ARL15: variants seen among roughly 807,000 people sequenced by gnomAD.
The protein encoded by ARL15 is ARF like GTPase 15, also known as ADP-ribosylation factor-like protein 15.
In ARL15, 19 loss-of-function variants were observed where a neutral mutation model predicts 25.2. That is an observed-to-expected ratio of 0.75 (90% CI 0.53 to 1.10). The LOEUF is 1.10. ARL15 is among the 50% of genes least tolerant of loss of function. ARL15 has a pLI of 0.00. For missense variants in ARL15, 220 were observed against 246.0 expected, an observed-to-expected ratio of 0.89 and a Z score of 0.71; for synonymous variants, 94 against 86.8, an observed-to-expected ratio of 1.08 and a Z score of -0.46.
chr5:54,210,563 T>C (rs567664782), intron 1 of ARL15, among the ~76,000 whole-genome samples: 8 of 152,302 alleles, frequency 5.3e-5, no homozygotes, highest in African/African-American at 1.7e-4. Flanking sequence ...TCCCCCAGAA[T>C]AGTCCTCTGA....
In ARL15 at chr5:53,905,591, C is replaced by T. The variant is rs532210169; in HGVS notation, c.463-18878G>A. Reference sequence around the variant, plus strand: ...CCCATGCCCTGATTACAATCTTCCACACTACATTTCTTTAGAGAGCAGGTA... The same window carrying T: ...CCCATGCCCTGATTACAATCTTCCATACTACATTTCTTTAGAGAGCAGGTA... On this transcript the variant is annotated intron_variant, in intron 4 of 4. Coordinates refer to ENST00000504924, the MANE Select transcript of ARL15 (RefSeq NM_019087.3). Among the ~76,000 whole-genome samples the T allele has an allele frequency of 2.6e-5, 4 of 152,260 alleles. No individual in the cohort carries two copies. In the East Asian group the frequency reaches 7.7e-4, roughly 29 times the overall value.
At chr5:54,214,282 A>G (rs928253572) in intron 1 of ARL15, among the ~76,000 whole-genome samples, 1 of 152,204 alleles carries the variant, frequency 6.6e-6, no homozygotes, top group African/African-American at 2.4e-5. Context: ...ATATCTTTCC[A>G]GTAAAAATTC....
chr5:53,982,005 A>AG (rs1374020762), intron 4 of ARL15, among the ~76,000 whole-genome samples: 2 of 152,132 alleles, frequency 1.3e-5, no homozygotes, highest in Non-Finnish European at 1.5e-5. Flanking sequence ...GCTTATGAGT[A>AG]GGGCAGGTTT....
chr5:53,987,932 C>T (rs1748349280), intron 4 of ARL15, among the ~76,000 whole-genome samples: 1 of 152,112 alleles, frequency 6.6e-6, no homozygotes, highest in Non-Finnish European at 1.5e-5. Context: ...GAAACCCCGT[C>T]TCTACTAAAA....
chr5:53,979,491 G>A (rs969503544), intron 4 of ARL15, among the ~76,000 whole-genome samples: 22 of 152,058 alleles, frequency 1.4e-4, no homozygotes, highest in African/African-American at 3.9e-4. Flanking sequence ...AGTGTGCCAC[G>A]ATCATACCAT....
intron 1 of ARL15, among the ~76,000 whole-genome samples, chr5:54,209,247 C>T (rs75920750): frequency 6.6e-5 from 10 of 151,396 alleles, no homozygotes; most frequent in African/African-American, 2.2e-4. Flanking sequence ...AAGCAGAAGC[C>T]AATAGACAAT....
At chr5:54,096,399 G>A (rs867220420) in intron 4 of ARL15, among the ~76,000 whole-genome samples, 27 of 152,124 alleles carry the variant, frequency 1.8e-4, no homozygotes, top group African/African-American at 6.5e-4. Flanking sequence ...AATGAGCAAT[G>A]ACATTTCATT....
intron 1 of ARL15, among the ~76,000 whole-genome samples, chr5:54,302,179 A>T (rs1159718025): frequency 6.6e-6 from 1 of 152,012 alleles, no homozygotes; most frequent in East Asian, 1.9e-4. Context: ...CAATCAAGTG[A>T]CCCCTCAATT....
chr5:54,052,861 A>G (rs1245450820), intron 4 of ARL15, among the ~76,000 whole-genome samples: 1 of 152,104 alleles, frequency 6.6e-6, no homozygotes, highest in Non-Finnish European at 1.5e-5. Flanking sequence ...CCATTTTCCA[A>G]TGACCAGGGC....
At chr5:54,201,012 T>C (rs905256784) in intron 1 of ARL15, among the ~76,000 whole-genome samples, 1 of 152,068 alleles carries the variant, frequency 6.6e-6, no homozygotes, top group Non-Finnish European at 1.5e-5. Context: ...CTACGCCCTT[T>C]GTCTCCAATT....
At chr5:54,041,529 G>A (rs1353012554) in intron 4 of ARL15, among the ~76,000 whole-genome samples, 1 of 152,188 alleles carries the variant, frequency 6.6e-6, no homozygotes, top group Non-Finnish European at 1.5e-5. Flanking sequence ...ACTTGCTCAA[G>A]GCTCCAGGGT....
intron 1 of ARL15, among the ~76,000 whole-genome samples, chr5:54,232,011 A>G (rs1172236110): frequency 1.3e-5 from 2 of 152,112 alleles, no homozygotes; most frequent in African/African-American, 4.8e-5. Flanking sequence ...GGCCACACTG[A>G]CTGCTCATGT....
chr5:54,059,424 C>T (rs1017659911), intron 4 of ARL15, among the ~76,000 whole-genome samples: 6 of 152,150 alleles, frequency 3.9e-5, no homozygotes, highest in South Asian at 2.1e-4. Flanking sequence ...ACATAGTGCA[C>T]GGACTTCGAT....
intron 1 of ARL15, among the ~76,000 whole-genome samples, chr5:54,274,658 G>C (rs1299083888): frequency 6.6e-6 from 1 of 152,154 alleles, no homozygotes. Context: ...CAGCACTTTG[G>C]GAGACTGAGG....
At chr5:54,270,111 C>G (rs1757742899) in intron 1 of ARL15, among the ~76,000 whole-genome samples, 1 of 152,170 alleles carries the variant, frequency 6.6e-6, no homozygotes, top group Non-Finnish European at 1.5e-5. Context: ...TGGACTTCTT[C>G]TTAATTATGT....
At chr5:53,965,649 G>C (rs555238935) in intron 4 of ARL15, among the ~76,000 whole-genome samples, 21 of 151,636 alleles carry the variant, frequency 1.4e-4, no homozygotes, top group Admixed American at 1.3e-3. Context: ...TGTGTGGGGG[G>C]TTTCTTGTAT....
chr5:54,051,825 C>A (rs997148372), intron 4 of ARL15, among the ~76,000 whole-genome samples: 2 of 152,156 alleles, frequency 1.3e-5, no homozygotes, highest in African/African-American at 4.8e-5. Context: ...TACGTTCACA[C>A]AAAGCCTATA....
intron 4 of ARL15, among the ~76,000 whole-genome samples, chr5:54,068,755 C>T (rs1190056200): frequency 1.3e-5 from 2 of 152,058 alleles, no homozygotes; most frequent in East Asian, 3.9e-4. Flanking sequence ...GTAATGATAC[C>T]CTGAACAGGC....
At chr5:54,292,531 A>C (rs949789610) in intron 1 of ARL15, among the ~76,000 whole-genome samples, 1 of 152,156 alleles carries the variant, frequency 6.6e-6, no homozygotes, top group African/African-American at 2.4e-5. Context: ...GACCCTCGTA[A>C]GCCCACTCCT....
Sources: gnomAD v4.1 joint callset for allele counts (sites outside exome capture counted in the v4.1 genomes callset) on GRCh38, gnomAD v4.1.1 for gene constraint, MANE v1.5 for transcripts, NCBI Gene and HGNC (gene_info 2026-07-23, HGNC 2026-07-21) for gene names.